Variants in EPS8 observed in about 807,000 individuals in gnomAD.
The protein encoded by EPS8 is EGFR pathway substrate 8, signaling adaptor.
Under a neutral mutation model 103.8 loss-of-function variants are expected in EPS8, and 42 were observed. The ratio of observed to expected loss-of-function variants is 0.40; its 90% CI spans 0.32 to 0.52. The LOEUF (loss-of-function observed/expected upper bound fraction) is 0.52. Ranked by LOEUF, EPS8 falls within the 20% of genes least tolerant of loss-of-function variation. The pLI, the probability that EPS8 is intolerant of heterozygous loss-of-function variation, is 0.40. For synonymous variants in EPS8, 344 were observed against 344.6 expected (o/e 1.00, Z 0.02); for missense variants, 969 against 1,005.1 (o/e 0.96, Z 0.49).
chr12:15,762,376 C>T lies in EPS8; in HGVS notation c.-22+26785G>A, dbSNP rs527514400. Among the ~76,000 whole-genome samples the T allele has an allele frequency of 2.6e-5, 4 of 152,240 alleles. No individual in the cohort carries two copies. Among genetic ancestry groups the T allele is most frequent in the South Asian group, 2.1e-4 (1 of 4,822 alleles). The stretch of plus-strand genomic sequence containing the variant: ...GCAACCGCTATGCAGAACAGTTTGG[C>T]GGTGCCTCAAAAAACTAAAAGGAGA... On this transcript the variant is annotated intron_variant, in intron 1 of 20. Coordinates refer to ENST00000281172, the MANE Select transcript of EPS8 (RefSeq NM_004447.6). The surrounding 1 kb of genome is among the most constrained non-coding windows in gnomAD (Gnocchi z 4.8).
rs1947224685 is a variant in EPS8, at chr12:15,778,054, AC to A, written c.-22+11106del. On this transcript the variant is annotated intron_variant, in intron 1 of 20. Coordinates refer to ENST00000281172, the MANE Select transcript of EPS8 (RefSeq NM_004447.6). The surrounding 1 kb of genome is among the most constrained non-coding windows in gnomAD (Gnocchi z 4.5). ...GTAATTCTGCAAACATAGCAAACAT[AC>A]AAATATACAAAAAATATAGACCTTA... is the stretch of plus-strand genomic sequence containing the variant. 6.6e-6 allele frequency among the ~76,000 whole-genome samples: 1 copy of A among 152,238 alleles called. No individual in the cohort carries two copies. Among genetic ancestry groups the A allele is most frequent in the Non-Finnish European group, 1.5e-5 (1 of 68,032 alleles).
In EPS8 at chr12:15,772,251, G is replaced by A. The variant is rs1947162498; in HGVS notation, c.-22+16910C>T. Reference sequence around the variant, plus strand: ...AAAAGTCACTCCAAGTAGAGAGACAGAAAGAGATGAGGGGGCCAGAGTAAA... The same window carrying A: ...AAAAGTCACTCCAAGTAGAGAGACAAAAAGAGATGAGGGGGCCAGAGTAAA... On this transcript the variant is annotated intron_variant, in intron 1 of 20. Transcript: ENST00000281172. This position sits in a 1 kb window ranked among gnomAD's most constrained non-coding sequence, Gnocchi z 5.0. Among the ~76,000 whole-genome samples the A allele has an allele frequency of 6.6e-6, 1 of 152,110 alleles. No individual in the cohort carries two copies.
At chr12:15,624,919 C>A (rs2135713505) in intron 18 of EPS8, among the ~76,000 whole-genome samples, 1 of 152,258 alleles carries the variant, frequency 6.6e-6, no homozygotes, top group South Asian at 2.1e-4. Flanking sequence ...TGGGTAGAAG[C>A]CTGGGATGCA....
rs1432796836 is a variant in EPS8, at chr12:15,787,748, T to A, written c.-22+1413A>T. Reference sequence around the variant, plus strand: ...CAATAAAGGCATTATATTATCACTATTGCATTTGTGATACATTCTACCTTA... The same window carrying A: ...CAATAAAGGCATTATATTATCACTAATGCATTTGTGATACATTCTACCTTA... On this transcript the variant is annotated intron_variant, in intron 1 of 20. Coordinates refer to ENST00000281172, the MANE Select transcript of EPS8 (RefSeq NM_004447.6). This position sits in a 1 kb window ranked among gnomAD's most constrained non-coding sequence, Gnocchi z 4.9. Among the ~76,000 whole-genome samples, 1 of 152,032 alleles carries A rather than the reference T, an allele frequency of 6.6e-6. No homozygotes were observed. Among genetic ancestry groups the A allele is most frequent in the Admixed American group, 6.5e-5 (1 of 15,278 alleles).
rs1945214601 is a variant in EPS8, at chr12:15,640,752, G to A, written c.1772C>T (p.Pro591Leu). The A allele has an allele frequency of 1.2e-6, 2 of 1,613,996 alleles. No individual in the cohort carries two copies. The highest frequency in any genetic ancestry group is 2.2e-5 in the East Asian group (1 of 44,864). Residue 591 changes from proline to leucine, a missense_variant, in exon 17 of 21, where the codon CCA (proline) becomes CTA (leucine). Pro to Leu is a moderately conservative substitution (Grantham distance 98). Transcript: ENST00000281172. ...PNNILDIVRP[P>L]ESGLGRADPP... ...ATCAGCACGCCCCAATCCAGATTCT[G>A]GAGGTCTCACAATATCCAAAATGTT...
At chr12:15,626,374 T>C (rs964738752) in intron 18 of EPS8, among the ~76,000 whole-genome samples, 1 of 152,112 alleles carries the variant, frequency 6.6e-6, no homozygotes, top group African/African-American at 2.4e-5. Flanking sequence ...CTCATGCCTG[T>C]AATCCAAGCA....
intron 1 of EPS8, among the ~76,000 whole-genome samples, chr12:15,765,608 G>A (rs189309509): frequency 4.6e-4 from 70 of 152,078 alleles, no homozygotes; most frequent in Non-Finnish European, 8.7e-4. Context: ...AATTATTGGG[G>A]GTAGAGAAGA....
At chr12:15,763,526 CACCAGTGACTGT>C (rs1947062787) in intron 1 of EPS8, among the ~76,000 whole-genome samples, 1 of 152,280 alleles carries the variant, frequency 6.6e-6, no homozygotes, top group Admixed American at 6.5e-5. Flanking sequence ...TACCATCCTG[CACCAGTGACTGT>C]GCCAGCTTCA....
intron 1 of EPS8, among the ~76,000 whole-genome samples, chr12:15,719,139 T>A (rs565608960): frequency 6.6e-6 from 1 of 151,944 alleles, no homozygotes; most frequent in Non-Finnish European, 1.5e-5. Flanking sequence ...CAAGTTTAAT[T>A]CCAAAGCATG....
At chr12:15,629,764 T>C (rs1194146679) in intron 18 of EPS8, among the ~76,000 whole-genome samples, 2 of 152,232 alleles carry the variant, frequency 1.3e-5, no homozygotes, top group African/African-American at 2.4e-5. Flanking sequence ...CTTATGCTTA[T>C]TGCATTTAAC....
chr12:15,745,405 A>G lies in EPS8; in HGVS notation c.-22+43756T>C, dbSNP rs1946865773. Among the ~76,000 whole-genome samples the G allele has an allele frequency of 6.6e-6, 1 of 152,162 alleles. No individual in the cohort carries two copies. Among genetic ancestry groups the G allele is most frequent in the South Asian group, 2.1e-4 (1 of 4,826 alleles). ...TTTATCATTACACTCTTTAATGCCA[A>G]GCTGAACCCAAAGATGTGGGAATTC... On this transcript the variant is annotated intron_variant, in intron 1 of 20. Coordinates refer to ENST00000281172, the MANE Select transcript of EPS8 (RefSeq NM_004447.6). This position sits in a 1 kb window ranked among gnomAD's most constrained non-coding sequence, Gnocchi z 4.6.
intron 10 of EPS8, 63 bp downstream of exon 10, chr12:15,660,551 A>G (rs1005046167): frequency 1.4e-5 from 12 of 850,418 alleles, no homozygotes; most frequent in Non-Finnish European, 2.2e-5. Flanking sequence ...GGTGTGAGCC[A>G]CTGCGCCCAG....
chr12:15,737,008 G>C (rs1470568806), intron 1 of EPS8, among the ~76,000 whole-genome samples: 1 of 152,100 alleles, frequency 6.6e-6, no homozygotes, highest in Non-Finnish European at 1.5e-5. Flanking sequence ...AGTTGTTTTT[G>C]AATTTGAAAA....
At chr12:15,659,694 G>T (rs948916922) in intron 10 of EPS8, among the ~76,000 whole-genome samples, 1 of 152,110 alleles carries the variant, frequency 6.6e-6, no homozygotes, top group Non-Finnish European at 1.5e-5. Context: ...TAATGAAAGG[G>T]ATATTTATTT....
chr12:15,755,655 C>T (rs1024756216), intron 1 of EPS8, among the ~76,000 whole-genome samples: 1 of 152,190 alleles, frequency 6.6e-6, no homozygotes, highest in Admixed American at 6.5e-5. Context: ...GTTCCCTCCT[C>T]GGCAAATCCT....
chr12:15,722,324 AC>A lies in EPS8; in HGVS notation c.-21-39353del, dbSNP rs374682930. Among the ~76,000 whole-genome samples, 19 of 150,896 alleles carry A rather than the reference AC, an allele frequency of 1.3e-4. 1 individual carries two copies. Among genetic ancestry groups the A allele is most frequent in the Non-Finnish European group, 2.2e-4 (15 of 67,760 alleles). ...GTTCTACAGCCTATTTTAAACAATT[AC>A]CCCCCCCAAAAATTATGTAACTAAT... is the stretch of plus-strand genomic sequence containing the variant. On this transcript the variant is annotated intron_variant, in intron 1 of 20. Transcript: ENST00000281172.
Position 15,751,553 on chromosome 12 carries a change from C to A in EPS8, c.-22+37608G>T, listed in dbSNP as rs1185303353. Among the ~76,000 whole-genome samples, 1 of 152,024 alleles carries A rather than the reference C, an allele frequency of 6.6e-6. No individual in the cohort carries two copies. Among genetic ancestry groups the A allele is most frequent in the Admixed American group, 6.6e-5 (1 of 15,252 alleles). On this transcript the variant is annotated intron_variant, in intron 1 of 20. Coordinates refer to ENST00000281172, the MANE Select transcript of EPS8 (RefSeq NM_004447.6). This position sits in a 1 kb window ranked among gnomAD's most constrained non-coding sequence, Gnocchi z 4.3. ...GTCAATTAGTGTGCCTCCACAAACACTTATTCAACAAATATTTAATGGACA... is the reference window on the plus strand; with the variant it reads ...GTCAATTAGTGTGCCTCCACAAACAATTATTCAACAAATATTTAATGGACA...
chr12:15,621,461 T>A, intron 20 of EPS8, 31 bp from the exon 21 acceptor site: 12 of 1,269,420 alleles, frequency 9.5e-6, no homozygotes, highest in Non-Finnish European at 1.4e-5. Context: ...ACAAGATAGT[T>A]ACTGACTTGT....
In EPS8 at chr12:15,764,073, C is replaced by A. The variant is rs1233982430; in HGVS notation, c.-22+25088G>T. On this transcript the variant is annotated intron_variant, in intron 1 of 20. Transcript: ENST00000281172. This position sits in a 1 kb window ranked among gnomAD's most constrained non-coding sequence, Gnocchi z 4.1. ...AAGGAAAAGAGGTTTAATGGACTCA[C>A]AGTTCCACATGGCTAGGGAGGCCTC... Among the ~76,000 whole-genome samples, 1 of 152,200 alleles carries A rather than the reference C, an allele frequency of 6.6e-6. No individual in the cohort carries two copies. Among genetic ancestry groups the A allele is most frequent in the Non-Finnish European group, 1.5e-5 (1 of 68,036 alleles).
Sources: gnomAD v4.1 joint callset for allele counts (sites outside exome capture counted in the v4.1 genomes callset) on GRCh38, gnomAD v4.1.1 for gene constraint, Gnocchi (gnomAD v3.1) non-coding constraint, MANE v1.5 for transcripts, NCBI Gene and HGNC (gene_info 2026-07-23, HGNC 2026-07-21) for gene names.